Variants in CREB5 observed in about 807,000 individuals in gnomAD.
CREB5 encodes cAMP responsive element binding protein 5, also known as cyclic AMP-responsive element-binding protein 5.
CREB5 carries 19 observed loss-of-function variants against 57.1 expected under a neutral mutation model. That is an observed-to-expected ratio of 0.33 (90% confidence interval 0.23 to 0.49). The LOEUF (loss-of-function observed/expected upper bound fraction) is 0.49. CREB5 is among the 20% of genes least tolerant of loss of function. The pLI is 0.99. For synonymous variants in CREB5, 238 were observed against 238.3 expected (o/e 1.00, Z 0.01); for missense variants, 579 against 671.6 (o/e 0.86, Z 1.52).
At chr7:28,349,069 A>G (rs553904969) in intron 1 of CREB5, among the ~76,000 whole-genome samples, 8 of 152,284 alleles carry the variant, frequency 5.3e-5, no homozygotes, top group Non-Finnish European at 1.2e-4. Flanking sequence ...TTGTCGGTTT[A>G]TTGTCAGCTC....
At position 28,674,442 on chromosome 7, in the gene CREB5, G is replaced by T. The variant is rs145131810; in HGVS notation, c.465-44311G>T. ...CACTTCCTGGTTTTCCTCCCAGGTC[G>T]CTGGCTAATCCTTCTCTGCCCACCT... On this transcript the variant is annotated intron_variant, in intron 5 of 10. Coordinates refer to ENST00000357727, the MANE Select transcript of CREB5 (RefSeq NM_182898.4). Among the ~76,000 whole-genome samples the T allele has an allele frequency of 5.3e-4, 80 of 152,246 alleles. 1 individual carries two copies. The East Asian group carries it at 0.015, about 28-fold the overall frequency.
intron 3 of CREB5, among the ~76,000 whole-genome samples, chr7:28,502,611 A>G (rs1792315551): frequency 6.6e-6 from 1 of 152,220 alleles, no homozygotes. Flanking sequence ...GCTAATTCAG[A>G]CTAACCTTTA....
At chr7:28,550,785 C>A (rs192679271) in intron 4 of CREB5, among the ~76,000 whole-genome samples, 1 of 152,170 alleles carries the variant, frequency 6.6e-6, no homozygotes, top group Non-Finnish European at 1.5e-5. Context: ...GTGGTGAATG[C>A]GCTATTAAGG....
chr7:28,728,661 A>G (rs2128750802), intron 7 of CREB5, among the ~76,000 whole-genome samples: 1 of 152,306 alleles, frequency 6.6e-6, no homozygotes, highest in Admixed American at 6.5e-5. Flanking sequence ...CGATTGATTG[A>G]AAACTCCTTG....
At chr7:28,325,125 A>G (rs939781066) in intron 1 of CREB5, among the ~76,000 whole-genome samples, 1 of 152,334 alleles carries the variant, frequency 6.6e-6, no homozygotes, top group South Asian at 2.1e-4. Context: ...ATACACTTAT[A>G]GTCCTTTCTC....
chr7:28,789,890 C>G (rs1471583883), intron 7 of CREB5, among the ~76,000 whole-genome samples: 1 of 152,086 alleles, frequency 6.6e-6, no homozygotes, highest in East Asian at 1.9e-4. Context: ...AAGAAAGAGA[C>G]TTAAGAGAAT....
At chr7:28,527,842 C>T (rs1793513228) in intron 4 of CREB5, among the ~76,000 whole-genome samples, 1 of 152,072 alleles carries the variant, frequency 6.6e-6, no homozygotes, top group Non-Finnish European at 1.5e-5. Flanking sequence ...GTGAAATATA[C>T]TTATTGTTTG....
intron 5 of CREB5, among the ~76,000 whole-genome samples, chr7:28,704,480 CTTTT>C (rs919555124): frequency 6.8e-6 from 1 of 147,410 alleles, no homozygotes; most frequent in Non-Finnish European, 1.5e-5. Flanking sequence ...GGATCTCTCA[CTTTT>C]TTTTTTTAAG....
At chr7:28,470,153 T>A (rs1790746654) in intron 1 of CREB5, among the ~76,000 whole-genome samples, 1 of 152,150 alleles carries the variant, frequency 6.6e-6, no homozygotes, top group Non-Finnish European at 1.5e-5. Context: ...CTACCAAATA[T>A]TAGGCTTTAT....
chr7:28,532,612 T>C (rs1054149063), intron 4 of CREB5, among the ~76,000 whole-genome samples: 8 of 152,214 alleles, frequency 5.3e-5, no homozygotes, highest in African/African-American at 1.9e-4. Context: ...TTTGTTTGTT[T>C]TTGTTTTTTA....
intron 1 of CREB5, among the ~76,000 whole-genome samples, chr7:28,478,811 A>G (rs924262627): frequency 6.6e-6 from 1 of 152,150 alleles, no homozygotes; most frequent in African/African-American, 2.4e-5. Flanking sequence ...ACCCAGAAAA[A>G]GCCACCCTAA....
chr7:28,734,421 A>G (rs1803859548), intron 7 of CREB5, among the ~76,000 whole-genome samples: 1 of 152,112 alleles, frequency 6.6e-6, no homozygotes. Context: ...TACAGTTTAT[A>G]TCATGCTTTT....
chr7:28,484,553 CTTA>C (rs1444748257), intron 1 of CREB5, among the ~76,000 whole-genome samples: 1 of 152,200 alleles, frequency 6.6e-6, no homozygotes, highest in African/African-American at 2.4e-5. Context: ...CACTTCAGAC[CTTA>C]TTAATCACTG....
upstream of CREB5, chr7:28,410,312 G>A (rs907193967): frequency 2.8e-5 from 13 of 456,494 alleles, no homozygotes; most frequent in African/African-American, 2.2e-4. Context: ...ACCTCTTCCC[G>A]GCCGCTGCCC....
At position 28,597,021 on chromosome 7, in the gene CREB5, C is replaced by T. The variant is rs1025736260; in HGVS notation, c.464+26484C>T. The stretch of plus-strand genomic sequence containing the variant: ...TTGGAATGAAACCTGACATGTGTGA[C>T]GTTCTAGCCTGAGCTCAAGAGTGTG... On this transcript the variant is annotated intron_variant, in intron 5 of 10. Coordinates refer to ENST00000357727, the MANE Select transcript of CREB5 (RefSeq NM_182898.4). Among the ~76,000 whole-genome samples the T allele has an allele frequency of 5.3e-5, 8 of 152,160 alleles. 1 individual carries two copies. The highest frequency in any genetic ancestry group is 1.2e-4 in the African/African-American group (5 of 41,438).
At chr7:28,468,321 T>G (rs1487219251) in intron 1 of CREB5, among the ~76,000 whole-genome samples, 5 of 152,234 alleles carry the variant, frequency 3.3e-5, no homozygotes. Flanking sequence ...GTCTGCTGGC[T>G]GCACCTGGAT....
At chr7:28,436,316 T>C (rs539637810) in intron 1 of CREB5, among the ~76,000 whole-genome samples, 1 of 152,282 alleles carries the variant, frequency 6.6e-6, no homozygotes, top group East Asian at 1.9e-4. Flanking sequence ...CTTAAACATA[T>C]CTGAGAACTC....
At chr7:28,679,103 G>A (rs1345454427) in intron 5 of CREB5, among the ~76,000 whole-genome samples, 1 of 134,160 alleles carries the variant, frequency 7.5e-6, no homozygotes, top group African/African-American at 2.7e-5. Context: ...AAAACAGCCA[G>A]CGGAGTATAT....
intron 7 of CREB5, among the ~76,000 whole-genome samples, chr7:28,725,343 C>T (rs1803271849): frequency 6.6e-6 from 1 of 152,188 alleles, no homozygotes. Flanking sequence ...TGGTCACTTT[C>T]TCTTGGAAAC....
Sources: gnomAD v4.1 joint callset for allele counts (sites outside exome capture counted in the v4.1 genomes callset) on GRCh38, gnomAD v4.1.1 for gene constraint, MANE v1.5 for transcripts, NCBI Gene and HGNC (gene_info 2026-07-23, HGNC 2026-07-21) for gene names.